GRM1: variants seen among roughly 807,000 people sequenced by gnomAD.
The protein encoded by GRM1 is metabotropic glutamate receptor 1.
In GRM1, 33 loss-of-function variants were observed where a neutral mutation model predicts 90.9. That is an observed-to-expected ratio of 0.36 (90% CI 0.28 to 0.49). The LOEUF is 0.49. GRM1 is among the 20% of genes least tolerant of loss of function. GRM1 has a pLI of 0.99. For missense variants in GRM1, 1,190 were observed against 1,534.3 expected (o/e 0.78, Z 3.75); for synonymous variants, 700 against 613.2 (o/e 1.14, Z -2.09).
At chr6:146,213,734 A>AGATG (rs1554281934) in intron 2 of GRM1, among the ~76,000 whole-genome samples, 2 of 147,418 alleles carry the variant, frequency 1.4e-5, no homozygotes, top group African/African-American at 2.6e-5. Context: ...ATAGATAGAT[A>AGATG]GATGGATGAA....
At chr6:146,097,469 A>G in intron 1 of GRM1, among the ~76,000 whole-genome samples, 1 of 152,224 alleles carries the variant, frequency 6.6e-6, no homozygotes, top group East Asian at 1.9e-4. Flanking sequence ...TTTGTTAAAT[A>G]GAATTTCATA....
In GRM1 at chr6:146,434,447, C is replaced by T. The variant is rs145216301; in HGVS notation, c.3236C>T (p.Pro1079Leu). Residue 1079 changes from proline (P) to leucine (L), a missense_variant, in exon 8 of 8, where the codon CCG becomes CTG. Transcript: ENST00000282753. ...CCTCCGCAGCACCTGCAGATGCTGC[C>T]GCTGCAGCTGAGCACCTTTGGGGAG... ...PPPPQHLQML[P>L]LQLSTFGEEL... The T allele has an allele frequency of 7.4e-6, 12 of 1,613,652 alleles. No homozygotes were observed. Among genetic ancestry groups the T allele is most frequent in the Non-Finnish European group, 1.0e-5 (12 of 1,179,812 alleles).
chr6:146,176,719 T>A (rs1198730892), intron 2 of GRM1, among the ~76,000 whole-genome samples: 1 of 152,090 alleles, frequency 6.6e-6, no homozygotes, highest in African/African-American at 2.4e-5. Flanking sequence ...CCAAAATAAT[T>A]AGTTGATTCA....
intron 2 of GRM1, among the ~76,000 whole-genome samples, chr6:146,276,052 T>G (rs1427279448): frequency 6.6e-6 from 1 of 152,048 alleles, no homozygotes; most frequent in African/African-American, 2.4e-5. Context: ...ATCAAGCAAT[T>G]TAAAAGTATT....
At chr6:146,031,225 C>G (rs908849901) in intron 1 of GRM1, among the ~76,000 whole-genome samples, 4 of 152,026 alleles carry the variant, frequency 2.6e-5, no homozygotes, top group African/African-American at 9.7e-5. Flanking sequence ...TCTTAAGTCC[C>G]CCAGTAGGTT....
intron 5 of GRM1, among the ~76,000 whole-genome samples, chr6:146,367,584 GT>G (rs1775740585): frequency 6.6e-6 from 1 of 152,024 alleles, no homozygotes. Flanking sequence ...CATAGTAGTA[GT>G]CCCCAGTGCC....
intron 1 of GRM1, among the ~76,000 whole-genome samples, chr6:146,064,746 G>A (rs748503535): frequency 4.1e-5 from 6 of 147,132 alleles, no homozygotes; most frequent in Non-Finnish European, 6.0e-5. Flanking sequence ...AGCCGAGATC[G>A]CGCCACTGCA....
At chr6:146,336,549 C>T (rs1043511503) in intron 3 of GRM1, among the ~76,000 whole-genome samples, 1 of 152,158 alleles carries the variant, frequency 6.6e-6, no homozygotes, top group Non-Finnish European at 1.5e-5. Context: ...AGCAATTCCT[C>T]ACAGAAGATG....
At chr6:146,194,509 T>C (rs1310360619) in intron 2 of GRM1, among the ~76,000 whole-genome samples, 1 of 152,208 alleles carries the variant, frequency 6.6e-6, no homozygotes, top group Non-Finnish European at 1.5e-5. Context: ...TTTTAATCTT[T>C]CAAAATAAGA....
chr6:146,059,587 C>CTT (rs1775594083), intron 1 of GRM1, among the ~76,000 whole-genome samples: 1 of 152,102 alleles, frequency 6.6e-6, no homozygotes, highest in Non-Finnish European at 1.5e-5. Flanking sequence ...AGAAATCAGC[C>CTT]TGTCCTTTGA....
chr6:146,313,771 GC>G (rs549755723), intron 3 of GRM1, among the ~76,000 whole-genome samples: 1 of 152,108 alleles, frequency 6.6e-6, no homozygotes, highest in South Asian at 2.1e-4. Flanking sequence ...GTATGTATAT[GC>G]CCAAGAAACA....
At chr6:146,036,331 A>G (rs1261895434) in intron 1 of GRM1, among the ~76,000 whole-genome samples, 1 of 152,010 alleles carries the variant, frequency 6.6e-6, no homozygotes, top group African/African-American at 2.4e-5. Flanking sequence ...TGTTGGAAAC[A>G]GCATGTCAGT....
intron 2 of GRM1, among the ~76,000 whole-genome samples, chr6:146,187,352 T>C (rs1480908702): frequency 6.6e-6 from 1 of 152,140 alleles, no homozygotes; most frequent in Non-Finnish European, 1.5e-5. Flanking sequence ...GAATATTTAC[T>C]TGCTAATACA....
chr6:146,093,188 T>C (rs531425704), intron 1 of GRM1, among the ~76,000 whole-genome samples: 3 of 152,250 alleles, frequency 2.0e-5, no homozygotes, highest in Admixed American at 6.5e-5. Flanking sequence ...GCTGGAAATA[T>C]GCAAAATGCC....
intron 2 of GRM1, among the ~76,000 whole-genome samples, chr6:146,254,841 G>T (rs913240582): frequency 6.6e-6 from 1 of 151,820 alleles, no homozygotes; most frequent in Non-Finnish European, 1.5e-5. Context: ...CCTTTATTTT[G>T]CCTCCCACTC....
In GRM1 at chr6:146,303,627, C is replaced by G. The variant is rs531529247; in HGVS notation, c.951-984C>G. 1.3e-4 allele frequency among the ~76,000 whole-genome samples: 20 copies of G among 152,218 alleles called. No homozygotes were observed. The South Asian group carries it at 4.1e-3, about 32-fold the overall frequency. ...CCAGTTTCTGTGGGATGGCAGGAGT[C>G]TAATGTGACAATTAGCAAACACAGA... is the stretch of plus-strand genomic sequence containing the variant. On this transcript the variant is annotated intron_variant, in intron 2 of 7. Coordinates refer to ENST00000282753, the MANE Select transcript of GRM1 (RefSeq NM_001278064.2).
chr6:146,185,044 T>C (rs938294161), intron 2 of GRM1, among the ~76,000 whole-genome samples: 3 of 152,334 alleles, frequency 2.0e-5, no homozygotes, highest in Admixed American at 1.3e-4. Flanking sequence ...GGTCAGCTTA[T>C]TTTTATTTCC....
At chr6:146,169,982 G>A (rs1778045834) in intron 2 of GRM1, among the ~76,000 whole-genome samples, 1 of 152,018 alleles carries the variant, frequency 6.6e-6, no homozygotes, top group South Asian at 2.1e-4. Flanking sequence ...TCTAATGTTT[G>A]TTTATCTGAG....
intron 3 of GRM1, among the ~76,000 whole-genome samples, chr6:146,326,528 A>G (rs1356348384): frequency 6.6e-6 from 1 of 152,158 alleles, no homozygotes; most frequent in Non-Finnish European, 1.5e-5. Flanking sequence ...AATCTGTACA[A>G]TAAACCCCCA....
Sources: allele counts gnomAD v4.1 joint callset (sites outside exome capture counted in the v4.1 genomes callset), GRCh38; gene constraint gnomAD v4.1.1; transcripts MANE v1.5; gene names NCBI Gene and HGNC (gene_info 2026-07-23, HGNC 2026-07-21).